The following DMTN variants were observed in gnomAD, a reference collection of about 807,000 sequenced individuals.
DMTN encodes the protein dematin.
In DMTN, 27 loss-of-function variants were observed where a neutral mutation model predicts 59.4. That is an observed-to-expected ratio of 0.45 (90% CI 0.33 to 0.63). DMTN has a LOEUF of 0.63. DMTN is among the 20% of genes least tolerant of loss of function. The probability of loss-of-function intolerance (pLI) is 0.02; values close to 1 mark genes in which losing one functional copy is unlikely to be tolerated. For missense variants in DMTN, 451 were observed against 528.9 expected (o/e 0.85, Z 1.45); for synonymous variants, 221 against 203.7 (o/e 1.08, Z -0.72).
chr8:22,049,163 G>GC (rs1423838105), upstream of DMTN: 1 of 150,282 alleles, frequency 6.7e-6, no homozygotes, highest in Non-Finnish European at 1.5e-5. Flanking sequence ...GGAGCCCGGC[G>GC]GAGCCCGGGC....
At position 22,080,245 on chromosome 8, in the gene DMTN, G is replaced by T. The variant is rs371567704; in HGVS notation, c.900+1G>T. On this transcript the variant is annotated splice_donor_variant, in intron 11 of 15. Transcript: ENST00000358242. LOFTEE classifies it high-confidence loss of function. ...CTATGGCAGGACCACCCTGAGCCGG[G>T]TAAGGTCTCAGGACCAGAGATATAG... 6.2e-7 allele frequency: 1 copy of T among 1,614,232 alleles called. No homozygotes were observed. Among genetic ancestry groups the T allele is most frequent in the Non-Finnish European group, 8.5e-7 (1 of 1,180,046 alleles).
At chr8:22,073,542 GA>G (rs1817325683) in intron 9 of DMTN, among the ~76,000 whole-genome samples, 187 bp from the exon 10 acceptor site, 1 of 150,482 alleles carries the variant, frequency 6.6e-6, no homozygotes, top group Admixed American at 6.6e-5. Context: ...GAGGAGGTTG[GA>G]TTGCTTGAGC....
chr8:22,067,979 G>A (rs748298823), intron 4 of DMTN, among the ~76,000 whole-genome samples: 3 of 152,216 alleles, frequency 2.0e-5, no homozygotes, highest in Admixed American at 6.5e-5. Context: ...TGAGAGCGGG[G>A]GCTGAAAGTC....
intron 7 of DMTN, 122 bp from the exon 8 acceptor site, chr8:22,070,060 C>G (rs1223982373): frequency 6.5e-7 from 1 of 1,548,110 alleles, no homozygotes; most frequent in Non-Finnish European, 8.8e-7. Flanking sequence ...ACGTGTGCCC[C>G]GTGCTCAGCG....
At chr8:22,075,056 G>A (rs911843027) in intron 10 of DMTN, among the ~76,000 whole-genome samples, 2 of 151,674 alleles carry the variant, frequency 1.3e-5, no homozygotes, top group Admixed American at 1.3e-4. Flanking sequence ...GCATGGTGGC[G>A]CATGTCTGTA....
intron 1 of DMTN, among the ~76,000 whole-genome samples, chr8:22,066,335 G>A (rs1585851928): frequency 6.6e-6 from 1 of 152,072 alleles, no homozygotes; most frequent in Admixed American, 6.5e-5. Flanking sequence ...CTGGGCGAGC[G>A]CGGGGAGGTG....
intron 10 of DMTN, 121 bp from the exon 11 acceptor site, chr8:22,080,059 T>G (rs1339181539): frequency 1.4e-5 from 16 of 1,110,052 alleles, no homozygotes; most frequent in Non-Finnish European, 2.0e-5. Context: ...GCCCACCAGG[T>G]TCCCCCCAGC....
intron 1 of DMTN, among the ~76,000 whole-genome samples, chr8:22,065,508 G>C (rs1809816206): frequency 6.6e-6 from 1 of 152,156 alleles, no homozygotes; most frequent in African/African-American, 2.4e-5. Flanking sequence ...GGAGGCACCT[G>C]AGAGGCAGAG....
intron 5 of DMTN, 146 bp from the exon 6 acceptor site, chr8:22,069,273 T>C: frequency 3.4e-6 from 3 of 871,434 alleles, no homozygotes; most frequent in South Asian, 1.7e-5. Flanking sequence ...AGTAGGTCCT[T>C]GGAACTGTGC....
chr8:22,067,816 A>T (rs1290762354), intron 4 of DMTN, 134 bp downstream of exon 4: 1 of 1,065,138 alleles, frequency 9.4e-7, no homozygotes, highest in African/African-American at 1.6e-5. Flanking sequence ...GTGCGCAGGA[A>T]CCAACCAGTC....
Position 22,067,073 on chromosome 8 carries a change from C to A in DMTN, c.19-12C>A. ...GCACGTGCCCACCCGCCCGCCTTCT[C>A]GCTCTCCCCAGCAACCACTTACCTC... On this transcript the variant is annotated splice_polypyrimidine_tract_variant and intron_variant, in intron 2 of 15. Transcript: ENST00000358242. The A allele has an allele frequency of 1.3e-6, 2 of 1,575,074 alleles. No individual in the cohort carries two copies. Among genetic ancestry groups the A allele is most frequent in the Non-Finnish European group, 1.7e-6 (2 of 1,161,132 alleles).
intron 10 of DMTN, among the ~76,000 whole-genome samples, chr8:22,076,205 C>T (rs1819684068): frequency 6.6e-6 from 1 of 152,084 alleles, no homozygotes; most frequent in South Asian, 2.1e-4. Context: ...GTGGAAGGTG[C>T]ATCTGGCAGA....
chr8:22,071,706 A>C (rs1452185782), intron 8 of DMTN, among the ~76,000 whole-genome samples: 1 of 151,960 alleles, frequency 6.6e-6, no homozygotes, highest in East Asian at 1.9e-4. Context: ...CAGCCTCCTG[A>C]GTAGCTGGGA....
chr8:22,082,457 C>T lies in DMTN; in HGVS notation c.*994C>T. The T allele has an allele frequency of 2.9e-6, 1 of 342,068 alleles. No homozygotes were observed. Among genetic ancestry groups the T allele is most frequent in the Admixed American group, 3.9e-5 (1 of 25,906 alleles). 21.2% of individuals were successfully genotyped at this position (342,068 alleles called of 1,614,324 possible). Reference sequence around the variant, plus strand: ...CTGCCCAGACCCTGACATCCCTTTCCACTGTGTGTGTGACCATGCTGGGGG... The same window carrying T: ...CTGCCCAGACCCTGACATCCCTTTCTACTGTGTGTGTGACCATGCTGGGGG... On this transcript the variant is annotated 3_prime_UTR_variant, in exon 16 of 16. Coordinates refer to ENST00000358242, the MANE Select transcript of DMTN (RefSeq NM_001387751.1).
chr8:22,081,315 C>A (rs763269544), intron 15 of DMTN, 35 bp from the exon 16 acceptor site: 17 of 1,605,368 alleles, frequency 1.1e-5, no homozygotes, highest in Admixed American at 5.0e-5. Flanking sequence ...GCCCCCTCCC[C>A]CTCCATGCTG....
chr8:22,058,919 GC>G lies in DMTN; in HGVS notation c.-172+1784del, dbSNP rs2130348919. On this transcript the variant is annotated intron_variant, in intron 1 of 15. Transcript: ENST00000358242. This position sits in a 1 kb window ranked among gnomAD's most constrained non-coding sequence, Gnocchi z 4.3. ...AGCCTCCTGGTGTCCTTTTCCAGTG[GC>G]GGGGGGGTGCGGGGAGCAAGGTGCC... Among the ~76,000 whole-genome samples, 1 of 152,278 alleles carries G rather than the reference GC, an allele frequency of 6.6e-6. No individual in the cohort carries two copies. Among genetic ancestry groups the G allele is most frequent in the African/African-American group, 2.4e-5 (1 of 41,576 alleles).
At chr8:22,057,702 C>G (rs1256043786) in intron 1 of DMTN, among the ~76,000 whole-genome samples, 1 of 152,200 alleles carries the variant, frequency 6.6e-6, no homozygotes, top group Admixed American at 6.5e-5. Context: ...CCAGTACTCC[C>G]CCTGTGCCCG....
At chr8:22,079,570 G>A (rs568308732) in intron 10 of DMTN, among the ~76,000 whole-genome samples, 2 of 151,950 alleles carry the variant, frequency 1.3e-5, no homozygotes, top group African/African-American at 2.4e-5. Context: ...AGGAGTTCAG[G>A]TTCAGCCTGG....
Position 22,070,255 on chromosome 8 carries a change from A to G in DMTN, c.525A>G (p.Ala175=), listed in dbSNP as rs1053331534. The G allele has an allele frequency of 6.2e-7, 1 of 1,613,308 alleles. No homozygotes were observed. The highest frequency in any genetic ancestry group is 8.5e-7 in the Non-Finnish European group (1 of 1,179,630). ...DLIIESSKFP[A]AQPPDPNQPA... is the part of the protein sequence containing the mutation. ...TCATCGAGTCATCCAAGTTTCCTGC[A>G]GCCCAGCCCCCAGACCCCAACCAGC... Residue 175 remains alanine, a synonymous_variant, in exon 8 of 16, where the codon GCA becomes GCG. Coordinates refer to ENST00000358242, the MANE Select transcript of DMTN (RefSeq NM_001387751.1).
Sources: allele counts gnomAD v4.1 joint callset (sites outside exome capture counted in the v4.1 genomes callset), GRCh38; gene constraint gnomAD v4.1.1; non-coding constraint Gnocchi (gnomAD v3.1); transcripts MANE v1.5; gene names NCBI Gene and HGNC (gene_info 2026-07-23, HGNC 2026-07-21).